Variants in NELL2 observed in about 807,000 individuals in gnomAD.
NELL2 encodes the protein protein kinase C-binding protein NELL2.
NELL2 carries 41 observed loss-of-function variants against 109.6 expected under a neutral mutation model. The ratio of observed to expected loss-of-function variants is 0.37; its 90% confidence interval spans 0.29 to 0.49. NELL2 has a LOEUF of 0.49. NELL2 is among the 20% of genes least tolerant of loss of function. The pLI, the probability that NELL2 is intolerant of heterozygous loss-of-function variation, is 0.98. For missense variants in NELL2, 900 were observed against 1,008.3 expected (o/e 0.89, Z 1.45); for synonymous variants, 355 against 344.7 (o/e 1.03, Z -0.33).
At chr12:44,530,275 A>G (rs543128078) in intron 16 of NELL2, among the ~76,000 whole-genome samples, 2 of 152,358 alleles carry the variant, frequency 1.3e-5, no homozygotes, top group East Asian at 3.9e-4. Flanking sequence ...TCAGTTAAGT[A>G]GGCAGGCCAC....
chr12:44,761,111 C>T (rs1941105937), intron 9 of NELL2, among the ~76,000 whole-genome samples: 1 of 152,146 alleles, frequency 6.6e-6, no homozygotes, highest in African/African-American at 2.4e-5. Context: ...CCTGTAATCC[C>T]AGCACTTTGG....
chr12:44,687,448 T>G (rs1426153384), intron 12 of NELL2, among the ~76,000 whole-genome samples: 2 of 152,196 alleles, frequency 1.3e-5, no homozygotes, highest in Non-Finnish European at 2.9e-5. Flanking sequence ...GTGCAATTCT[T>G]ATATATTTCT....
chr12:44,710,488 A>C (rs1938138092), intron 11 of NELL2, among the ~76,000 whole-genome samples: 1 of 152,146 alleles, frequency 6.6e-6, no homozygotes, highest in Admixed American at 6.6e-5. Flanking sequence ...TGGATTCATA[A>C]GCATATAATT....
At chr12:44,879,030 C>A (rs926747468), upstream of NELL2, among the ~76,000 whole-genome samples, 1 of 151,930 alleles carries the variant, frequency 6.6e-6, no homozygotes, top group African/African-American at 2.4e-5. Flanking sequence ...AATATAATCA[C>A]GAGGGCCCTT....
At chr12:44,523,884 T>C (rs1016962294) in intron 16 of NELL2, among the ~76,000 whole-genome samples, 6 of 152,162 alleles carry the variant, frequency 3.9e-5, no homozygotes, top group Non-Finnish European at 7.3e-5. Context: ...AACTGGTGAT[T>C]ATAGAAAAAT....
intron 15 of NELL2, among the ~76,000 whole-genome samples, chr12:44,601,379 A>T (rs1296816740): frequency 1.3e-5 from 2 of 152,176 alleles, no homozygotes; most frequent in African/African-American, 4.8e-5. Flanking sequence ...AATAATATAA[A>T]GATTTATATT....
At chr12:44,803,826 A>T (rs1942913113) in intron 3 of NELL2, among the ~76,000 whole-genome samples, 1 of 151,980 alleles carries the variant, frequency 6.6e-6, no homozygotes, top group South Asian at 2.1e-4. Flanking sequence ...AAATATTCAA[A>T]TTCACTAATA....
rs1006890543 is a variant in NELL2 at position 44,539,188 on chromosome 12, C to T, written c.1664-6467G>A. Among the ~76,000 whole-genome samples, 16 of 152,136 alleles carry T rather than the reference C, an allele frequency of 1.1e-4. No individual in the cohort carries two copies. The South Asian group carries it at 3.3e-3, about 31-fold the overall frequency. ...TTTGCCTAAACTTGCACAAATATTACACTGACTTAATTAATATAATTTTAA... is the reference window on the plus strand; with the variant it reads ...TTTGCCTAAACTTGCACAAATATTATACTGACTTAATTAATATAATTTTAA... On this transcript the variant is annotated intron_variant, in intron 15 of 19. Transcript: ENST00000429094.
At chr12:44,587,366 T>TA (rs571507529) in intron 15 of NELL2, among the ~76,000 whole-genome samples, 1 of 147,412 alleles carries the variant, frequency 6.8e-6, no homozygotes, top group South Asian at 2.2e-4. Flanking sequence ...GAAATGAGAC[T>TA]AAAAATAACT....
chr12:44,775,114 T>C (rs1941700105), intron 8 of NELL2, among the ~76,000 whole-genome samples: 1 of 151,582 alleles, frequency 6.6e-6, no homozygotes, highest in South Asian at 2.1e-4. Context: ...TTGACTTCAC[T>C]ATACCACATT....
rs190055910 is a variant in NELL2 at position 44,781,497 on chromosome 12, C to A, written c.336-1475G>T. Among the ~76,000 whole-genome samples the A allele has an allele frequency of 3.1e-3, 468 of 152,040 alleles. 3 individuals are homozygous for A. The highest frequency in any genetic ancestry group is 0.011 in the African/African-American group (437 of 41,510). ...ATATTGAAGAAATAATGGCTGAACA[C>A]CTCCCAAATTTGGCAAGAGATATAA... On this transcript the variant is annotated intron_variant, in intron 3 of 19. Transcript: ENST00000429094.
intron 13 of NELL2, among the ~76,000 whole-genome samples, chr12:44,617,798 C>T (rs59098139): frequency 0.17 from 26,096 of 150,298 alleles, 3,662 homozygotes; most frequent in African/African-American, 0.38. Context: ...AATTAGTTGC[C>T]TATTATCTAC....
In NELL2 at chr12:44,622,584, T is replaced by C. The variant is rs1274698672; in HGVS notation, c.1445-11614A>G. ...AAAATGAAATATAAAAGGTAACTTCTGAAATATACAATTTCCTAAGAAAAA... is the reference window on the plus strand; with the variant it reads ...AAAATGAAATATAAAAGGTAACTTCCGAAATATACAATTTCCTAAGAAAAA... On this transcript the variant is annotated intron_variant, in intron 13 of 19. Transcript: ENST00000429094. 2.6e-5 allele frequency among the ~76,000 whole-genome samples: 4 copies of C among 152,196 alleles called. No individual in the cohort carries two copies. The East Asian group carries it at 7.7e-4, about 29-fold the overall frequency.
chr12:44,840,479 T>C (rs1944190535), intron 2 of NELL2, among the ~76,000 whole-genome samples: 1 of 152,004 alleles, frequency 6.6e-6, no homozygotes, highest in African/African-American at 2.4e-5. Context: ...CAAAAAAAAT[T>C]ACAAAAAATT....
At chr12:44,675,818 T>C (rs1472045617) in intron 12 of NELL2, among the ~76,000 whole-genome samples, 1 of 152,094 alleles carries the variant, frequency 6.6e-6, no homozygotes, top group Non-Finnish European at 1.5e-5. Flanking sequence ...TAGGACAGGC[T>C]TATATAGTTA....
Position 44,665,488 on chromosome 12 carries a change from A to G in NELL2, c.1440T>C (p.Cys480=). Residue 480 remains cysteine, a synonymous_variant, in exon 13 of 20, where the codon TGT becomes TGC. Transcript: ENST00000429094. ...TCACAAATAGCCACCGTTTACCTGT[A>G]CATGAATAATCATCAATTCTGATGT... ...TGYIRIDDYS[C]TEHDECITNQ... is the part of the protein sequence containing the mutation. 6.2e-7 allele frequency: 1 copy of G among 1,611,016 alleles called. No individual in the cohort carries two copies. The highest frequency in any genetic ancestry group is 8.5e-7 in the Non-Finnish European group (1 of 1,178,164).
rs1566015640 is a variant in NELL2 at position 44,610,874 on chromosome 12, T to G, written c.1541A>C (p.Tyr514Ser). The change falls in exon 14 of 20, where the codon TAT (tyrosine) becomes TCT (serine). Residue 514 changes from tyrosine (Y) to serine (S), a missense_variant. Physicochemically the swap from Tyr to Ser is moderately radical, Grantham distance 144. Transcript: ENST00000429094. ...GGHNCVCKPGYTGNGTTCKAF... is the reference protein window; with the variant it reads ...GGHNCVCKPGSTGNGTTCKAF... ...TTTGCATGTCGTTCCATTCCCTGTA[T>G]AGCCCGGCTTGCAAACACAGTTGTG... is the stretch of plus-strand genomic sequence containing the variant. The G allele has an allele frequency of 6.2e-7, 1 of 1,613,070 alleles. No homozygotes were observed. Among genetic ancestry groups the G allele is most frequent in the South Asian group, 1.1e-5 (1 of 91,064 alleles).
At chr12:44,800,734 C>A (rs1270437919) in intron 3 of NELL2, among the ~76,000 whole-genome samples, 2 of 152,162 alleles carry the variant, frequency 1.3e-5, no homozygotes, top group Non-Finnish European at 2.9e-5. Flanking sequence ...GCCAATAAAG[C>A]CTGGCCTGTG....
chr12:44,543,895 T>C (rs1218761831), intron 15 of NELL2, among the ~76,000 whole-genome samples: 1 of 152,138 alleles, frequency 6.6e-6, no homozygotes, highest in African/African-American at 2.4e-5. Context: ...CTTATTCCTA[T>C]AATAAGGAAT....
Sources: gnomAD v4.1 joint callset for allele counts (sites outside exome capture counted in the v4.1 genomes callset) on GRCh38, gnomAD v4.1.1 for gene constraint, MANE v1.5 for transcripts, NCBI Gene and HGNC (gene_info 2026-07-23, HGNC 2026-07-21) for gene names.